Variants in AFF2 observed in about 807,000 individuals in gnomAD.
AFF2 encodes AF4/FMR2 family member 2.
Under a neutral mutation model 76.9 loss-of-function variants are expected in AFF2, and 14 were observed. The observed-to-expected ratio is 0.18, with a 90% CI of 0.12 to 0.28. AFF2 has a LOEUF of 0.28. AFF2 is among the 10% of genes least tolerant of loss of function. The pLI, the probability that AFF2 is intolerant of heterozygous loss-of-function variation, is 1.00. For synonymous variants in AFF2, 398 were observed against 366.7 expected (o/e 1.09, Z -0.98); for missense variants, 868 against 1,001.1 (o/e 0.87, Z 1.79).
At chrX:148,673,290 G>C (rs988457964) in intron 3 of AFF2, among the ~76,000 whole-genome samples, 1 of 112,260 alleles carries the variant, frequency 8.9e-6, no homozygotes, top group Non-Finnish European at 1.9e-5. Flanking sequence ...CTTAAAACAA[G>C]AGATTTATTT....
chrX:148,670,103 C>T (rs1221800903), intron 3 of AFF2, among the ~76,000 whole-genome samples: 1 of 111,729 alleles, frequency 9.0e-6, no homozygotes, highest in Non-Finnish European at 1.9e-5. Flanking sequence ...TTAGTGTCTC[C>T]CTAAGCTAAA....
chrX:148,797,892 A>T (rs1209849137), intron 3 of AFF2, among the ~76,000 whole-genome samples: 1 of 112,282 alleles, frequency 8.9e-6, no homozygotes, highest in Non-Finnish European at 1.9e-5. Context: ...TCAAAAAAAG[A>T]TATCTGCTAA....
Position 148,999,492 on chromosome X carries a change from A to G in AFF2, c.*8160A>G, listed in dbSNP as rs2072649310. 8.9e-6 allele frequency: 1 copy of G among 112,516 alleles called. No individual in the cohort carries two copies. The highest frequency in any genetic ancestry group is 3.2e-5 in the African/African-American group (1 of 30,895). The allele number at this position is 112,516 out of a possible 1,213,427, so 9.3% of individuals were successfully genotyped here. A position where few individuals can be genotyped will look rare whatever the true frequency, so the allele number is the denominator to read the frequency against. Reference sequence around the variant, plus strand: ...CACAAATGGGAATTTAATTGTCATCATATGCTTTGTGTGTGGGGATGCTTA... The same window carrying G: ...CACAAATGGGAATTTAATTGTCATCGTATGCTTTGTGTGTGGGGATGCTTA... On this transcript the variant is annotated 3_prime_UTR_variant, in exon 21 of 21. Transcript: ENST00000370460.
intron 3 of AFF2, among the ~76,000 whole-genome samples, chrX:148,723,635 A>G (rs1016252362): frequency 8.9e-6 from 1 of 112,241 alleles, no homozygotes; most frequent in Non-Finnish European, 1.9e-5. Flanking sequence ...ATGCAAGTTA[A>G]TCTTCCAGTG....
At chrX:148,554,096 T>C (rs1006116344) in intron 1 of AFF2, among the ~76,000 whole-genome samples, 2 of 112,139 alleles carry the variant, frequency 1.8e-5, no homozygotes, top group South Asian at 7.4e-4. Context: ...TTGCTTCATC[T>C]CTCTCGGCTT....
At chrX:148,748,539 T>G (rs2055454772) in intron 3 of AFF2, among the ~76,000 whole-genome samples, 1 of 111,689 alleles carries the variant, frequency 9.0e-6, no homozygotes, top group Non-Finnish European at 1.9e-5. Flanking sequence ...TCCATGAGTG[T>G]CAGCCCATAA....
chrX:148,682,184 T>C (rs1161741841), intron 3 of AFF2, among the ~76,000 whole-genome samples: 1 of 112,131 alleles, frequency 8.9e-6, no homozygotes, highest in Non-Finnish European at 1.9e-5. Flanking sequence ...CTTAAAAATA[T>C]GTAATCCTAA....
intron 1 of AFF2, among the ~76,000 whole-genome samples, chrX:148,600,468 A>G (rs1475048966): frequency 9.0e-6 from 1 of 111,627 alleles, no homozygotes; most frequent in Non-Finnish European, 1.9e-5. Flanking sequence ...GGACTCTGAT[A>G]TTTTCTGGTC....
intron 3 of AFF2, among the ~76,000 whole-genome samples, chrX:148,716,096 T>C (rs782408717): frequency 1.1e-3 from 122 of 112,081 alleles, no homozygotes; most frequent in African/African-American, 3.1e-3. Context: ...TATACATATA[T>C]ATGTGTATGT....
intron 19 of AFF2, among the ~76,000 whole-genome samples, chrX:148,985,819 G>C (rs1400377697): frequency 2.7e-5 from 3 of 111,205 alleles, no homozygotes; most frequent in Non-Finnish European, 3.8e-5. Flanking sequence ...CACAGAGCAA[G>C]TGTGAGGATG....
chrX:148,990,591 T>G (rs2072523088), intron 20 of AFF2, among the ~76,000 whole-genome samples: 4 of 112,246 alleles, frequency 3.6e-5, no homozygotes, highest in Admixed American at 9.4e-5. Flanking sequence ...CAAGGGGAAA[T>G]CAGCTGGGCA....
chrX:148,735,981 T>C (rs1233471133), intron 3 of AFF2, among the ~76,000 whole-genome samples: 1 of 112,464 alleles, frequency 8.9e-6, no homozygotes, highest in Non-Finnish European at 1.9e-5. Flanking sequence ...TATTCAATTG[T>C]ATATCTATAC....
At chrX:148,570,751 C>T (rs1242883503) in intron 1 of AFF2, among the ~76,000 whole-genome samples, 1 of 111,243 alleles carries the variant, frequency 9.0e-6, no homozygotes, top group Admixed American at 9.5e-5. Flanking sequence ...CTCCAAAGGT[C>T]CCAGGAAAGA....
At chrX:148,701,018 G>GAGAGAA (rs1557261820) in intron 3 of AFF2, among the ~76,000 whole-genome samples, 1 of 103,895 alleles carries the variant, frequency 9.6e-6, no homozygotes, top group African/African-American at 3.7e-5. Context: ...GAGAATGTGT[G>GAGAGAA]TGTGTGTGTG....
rs782611679 is a variant in AFF2 at position 148,626,266 on chromosome X, C to A, written c.48-25733C>A. Among the ~76,000 whole-genome samples the A allele has an allele frequency of 8.2e-5, 9 of 109,780 alleles. No homozygotes were observed. In the South Asian group the frequency reaches 3.6e-3, roughly 44 times the overall value. ...TTGTGTTAATATTTAGCCAGACAGG[C>A]CTTCTGCTTGCCAGCTTGCACCCAA... On this transcript the variant is annotated intron_variant, in intron 1 of 20. Transcript: ENST00000370460.
intron 3 of AFF2, among the ~76,000 whole-genome samples, chrX:148,722,428 A>T (rs569938219): frequency 1.8e-5 from 2 of 109,039 alleles, no homozygotes; most frequent in African/African-American, 6.7e-5. Flanking sequence ...CCTTCCCTCC[A>T]CTCAGGCTCG....
intron 3 of AFF2, among the ~76,000 whole-genome samples, chrX:148,799,522 T>G (rs188337668): frequency 8.9e-6 from 1 of 111,747 alleles, no homozygotes; most frequent in African/African-American, 3.2e-5. Flanking sequence ...GCACCTACAT[T>G]GACCTCCTAT....
chrX:148,704,326 T>A (rs782336953), intron 3 of AFF2, among the ~76,000 whole-genome samples: 1 of 19,017 alleles, frequency 5.3e-5, no homozygotes, highest in African/African-American at 1.6e-4. Flanking sequence ...ATATATATAT[T>A]TATATATATG....
intron 9 of AFF2, among the ~76,000 whole-genome samples, chrX:148,928,329 G>T (rs1490823587): frequency 8.9e-6 from 1 of 112,401 alleles, no homozygotes; most frequent in East Asian, 2.8e-4. Flanking sequence ...ATTCTACTGG[G>T]ATTTAAAACT....
Sources: allele counts gnomAD v4.1 joint callset (sites outside exome capture counted in the v4.1 genomes callset), GRCh38; gene constraint gnomAD v4.1.1; transcripts MANE v1.5; gene names NCBI Gene and HGNC (gene_info 2026-07-23, HGNC 2026-07-21).